Variants in DDX60 observed in about 807,000 individuals in gnomAD.
DDX60 encodes probable ATP-dependent RNA helicase DDX60.
In DDX60, 165 loss-of-function variants were observed where a neutral mutation model predicts 212.8. The observed-to-expected ratio is 0.78, with a 90% CI of 0.68 to 0.88. DDX60 has a LOEUF of 0.88. Ranked by LOEUF, DDX60 falls within the 40% of genes least tolerant of loss-of-function variation. DDX60 has a pLI of 0.00. For synonymous variants in DDX60, 703 were observed against 685.3 expected (o/e 1.03, Z -0.40); for missense variants, 1,905 against 2,003.9 (o/e 0.95, Z 0.94).
intron 6 of DDX60, among the ~76,000 whole-genome samples, chr4:168,300,746 T>G (rs935603267): frequency 2.6e-5 from 4 of 152,096 alleles, no homozygotes; most frequent in African/African-American, 7.2e-5. Context: ...TAATAAAGGA[T>G]AACATAACCA....
At chr4:168,239,588 G>A (rs999436285) in intron 30 of DDX60, among the ~76,000 whole-genome samples, 2 of 152,146 alleles carry the variant, frequency 1.3e-5, no homozygotes, top group Admixed American at 1.3e-4. Context: ...AGAAGGCATG[G>A]TGAGGGTAGG....
At chr4:168,245,535 A>G (rs1321857543) in intron 30 of DDX60, among the ~76,000 whole-genome samples, 2 of 152,210 alleles carry the variant, frequency 1.3e-5, no homozygotes, top group Admixed American at 1.3e-4. Context: ...CTTTATAGAG[A>G]GGTAAAAATG....
intron 33 of DDX60, among the ~76,000 whole-genome samples, chr4:168,231,879 G>T (rs1332573347): frequency 2.0e-5 from 3 of 151,978 alleles, no homozygotes; most frequent in East Asian, 3.9e-4. Context: ...TCAAACAAAA[G>T]AAATAAATAA....
At chr4:168,300,720 C>G (rs983339860) in intron 6 of DDX60, among the ~76,000 whole-genome samples, 10 of 151,970 alleles carry the variant, frequency 6.6e-5, no homozygotes, top group African/African-American at 2.4e-4. Flanking sequence ...TAACCAATGA[C>G]TGTAACTGTA....
intron 13 of DDX60, among the ~76,000 whole-genome samples, chr4:168,281,283 T>C (rs1480889577): frequency 6.6e-6 from 1 of 152,228 alleles, no homozygotes; most frequent in African/African-American, 2.4e-5. Flanking sequence ...ATCACCTCCC[T>C]GTTCTCTACT....
chr4:168,269,897 T>G (rs368481003), intron 19 of DDX60, among the ~76,000 whole-genome samples: 11 of 152,126 alleles, frequency 7.2e-5, no homozygotes, highest in African/African-American at 2.7e-4. Context: ...ATTATTCAAA[T>G]GGTAGAGTTC....
intron 24 of DDX60, 116 bp from the exon 25 acceptor site, chr4:168,261,105 T>G: frequency 3.6e-6 from 4 of 1,101,252 alleles, no homozygotes; most frequent in Non-Finnish European, 5.2e-6. Context: ...TTTTTTAAAA[T>G]AGTCCTATGA....
intron 1 of DDX60, among the ~76,000 whole-genome samples, chr4:168,312,482 C>T (rs767819525): frequency 6.6e-6 from 1 of 151,978 alleles, no homozygotes; most frequent in Non-Finnish European, 1.5e-5. Context: ...ACTAAAAACC[C>T]ACATTTGAAG....
chr4:168,274,598 G>A (rs1007362017), intron 16 of DDX60, among the ~76,000 whole-genome samples: 1 of 152,154 alleles, frequency 6.6e-6, no homozygotes, highest in Non-Finnish European at 1.5e-5. Context: ...ACCCCAACCG[G>A]TCCACTCCCG....
chr4:168,219,215 C>T (rs1005207886), intron 37 of DDX60, among the ~76,000 whole-genome samples: 1 of 151,600 alleles, frequency 6.6e-6, no homozygotes, highest in African/African-American at 2.4e-5. Context: ...TTGCTTGAAC[C>T]TGGGAGGTGA....
At chr4:168,273,529 A>G in intron 17 of DDX60, 131 bp from the exon 18 acceptor site, 1 of 968,240 alleles carries the variant, frequency 1.0e-6, no homozygotes, top group Non-Finnish European at 1.5e-6. Flanking sequence ...TCATCAACCC[A>G]CTACTCTAAA....
intron 8 of DDX60, among the ~76,000 whole-genome samples, chr4:168,290,858 T>C (rs1387776605): frequency 6.6e-6 from 1 of 152,216 alleles, no homozygotes; most frequent in Non-Finnish European, 1.5e-5. Context: ...TCCCAGTGAT[T>C]ACCACAATGT....
upstream of DDX60, among the ~76,000 whole-genome samples, chr4:168,321,031 G>A (rs1737601142): frequency 6.6e-6 from 1 of 152,024 alleles, no homozygotes; most frequent in Non-Finnish European, 1.5e-5. Flanking sequence ...TTCTACAGTT[G>A]TTTCGACTTT....
intron 10 of DDX60, among the ~76,000 whole-genome samples, chr4:168,286,389 TACACAC>T (rs71867661): frequency 4.0e-4 from 54 of 133,756 alleles, no homozygotes; most frequent in Admixed American, 3.6e-3. Flanking sequence ...CTTGATTTTA[TACACAC>T]ACACACACAC....
chr4:168,258,029 A>G (rs1734483431), intron 25 of DDX60, among the ~76,000 whole-genome samples: 1 of 152,232 alleles, frequency 6.6e-6, no homozygotes, highest in Admixed American at 6.5e-5. Flanking sequence ...CTGTGGGATT[A>G]TTTTAGAAAG....
At chr4:168,311,625 A>G (rs1411877818) in intron 1 of DDX60, among the ~76,000 whole-genome samples, 1 of 152,178 alleles carries the variant, frequency 6.6e-6, no homozygotes, top group Non-Finnish European at 1.5e-5. Flanking sequence ...GAAATAAACA[A>G]TAATTAATTA....
Position 168,246,600 on chromosome 4 carries a change from T to G in DDX60, c.3982A>C (p.Arg1328=). The G allele has an allele frequency of 6.2e-7, 1 of 1,614,110 alleles. No homozygotes were observed. Among genetic ancestry groups the G allele is most frequent in the Non-Finnish European group, 8.5e-7 (1 of 1,179,970 alleles). Residue 1328 remains arginine (R), a synonymous_variant, in exon 30 of 38, where the codon AGA becomes CGA. Transcript: ENST00000393743. ...NYRQMSGRAG[R]RGQDLMGDVY... is the part of the protein sequence containing the mutation. ...TCTCCCATCAGGTCTTGACCTCTTCTTCCAGCACGGCCAGACATCTGAAAA... is the reference window on the plus strand; with the variant it reads ...TCTCCCATCAGGTCTTGACCTCTTCGTCCAGCACGGCCAGACATCTGAAAA...
chr4:168,281,545 A>G (rs665375), intron 13 of DDX60, among the ~76,000 whole-genome samples: 100,773 of 152,122 alleles, frequency 0.66, 35,486 homozygotes, highest in African/African-American at 0.92. Flanking sequence ...GAAGAGGAGT[A>G]GATAAGAGGA....
chr4:168,245,143 G>A (rs982994134), intron 30 of DDX60, among the ~76,000 whole-genome samples: 4 of 151,876 alleles, frequency 2.6e-5, no homozygotes, highest in African/African-American at 4.8e-5. Context: ...AAGATTGAAA[G>A]GTCTCATATA....
Sources: gnomAD v4.1 joint callset for allele counts (sites outside exome capture counted in the v4.1 genomes callset) on GRCh38, gnomAD v4.1.1 for gene constraint, MANE v1.5 for transcripts, NCBI Gene and HGNC (gene_info 2026-07-23, HGNC 2026-07-21) for gene names.